Variants in TMEM150B observed in about 807,000 individuals in gnomAD.
TMEM150B encodes transmembrane protein 150B.
In TMEM150B, 33 loss-of-function variants were observed where a neutral mutation model predicts 25.2. That is an observed-to-expected ratio of 1.31 (90% CI 0.99 to 1.75). TMEM150B has a LOEUF of 1.75. Among genes scored for constraint, TMEM150B ranks in the 40% most tolerant of loss-of-function variants. TMEM150B has a pLI of 0.00. For synonymous variants in TMEM150B, 133 were observed against 134.8 expected (o/e 0.99, Z 0.09); for missense variants, 322 against 306.1 (o/e 1.05, Z -0.39).
At chr19:55,325,102 C>G (rs562585519) in intron 1 of TMEM150B, among the ~76,000 whole-genome samples, 170 bp downstream of exon 1, 1 of 152,322 alleles carries the variant, frequency 6.6e-6, no homozygotes, top group African/African-American at 2.4e-5. Flanking sequence ...GAAGACTTGT[C>G]CCCGCTCTGA....
chr19:55,318,133 G>A (rs1309907750), intron 6 of TMEM150B, among the ~76,000 whole-genome samples: 1 of 152,144 alleles, frequency 6.6e-6, no homozygotes, highest in Non-Finnish European at 1.5e-5. Flanking sequence ...GGCCAAGGTA[G>A]GCAGATCACT....
At chr19:55,313,392 G>T (rs1568995715) in intron 7 of TMEM150B, among the ~76,000 whole-genome samples, 1 of 152,036 alleles carries the variant, frequency 6.6e-6, no homozygotes, top group Non-Finnish European at 1.5e-5. Context: ...CATTGCTCCT[G>T]CCTGTAAACA....
chr19:55,320,719 G>A (rs1177932788), intron 3 of TMEM150B, 102 bp from the exon 4 acceptor site: 17 of 1,434,602 alleles, frequency 1.2e-5, no homozygotes, highest in Non-Finnish European at 1.6e-5. Flanking sequence ...CTCAGACCAG[G>A]AGTCCAGGCC....
chr19:55,309,607 CCT>C (rs1198714915), downstream of TMEM150B, among the ~76,000 whole-genome samples: 1 of 152,134 alleles, frequency 6.6e-6, no homozygotes, highest in African/African-American at 2.4e-5. Context: ...CTCTCTGGGG[CCT>C]CTTTCCTAAG....
intron 1 of TMEM150B, chr19:55,324,786 C>T (rs945211401): frequency 7.3e-5 from 72 of 985,368 alleles, no homozygotes; most frequent in Non-Finnish European, 8.2e-5. Flanking sequence ...TCGTCTTCCT[C>T]CTTTCGCTTC....
chr19:55,313,123 C>T, intron 7 of TMEM150B, 68 bp from the exon 8 acceptor site: 1 of 1,491,760 alleles, frequency 6.7e-7, no homozygotes, highest in Non-Finnish European at 9.0e-7. Flanking sequence ...CTCTGTGCCG[C>T]CTCGCGCTGG....
intron 2 of TMEM150B, among the ~76,000 whole-genome samples, chr19:55,321,337 C>G (rs2089203286): frequency 6.6e-6 from 1 of 151,998 alleles, no homozygotes; most frequent in East Asian, 2.0e-4. Context: ...CTCCTTGCAC[C>G]TCCCAGCCTC....
chr19:55,312,165 G>C (rs1301394769), downstream of TMEM150B: 2 of 585,524 alleles, frequency 3.4e-6, no homozygotes, highest in Non-Finnish European at 5.8e-6. Context: ...CATGTCGGGA[G>C]GGGGGTGGAC....
rs902035269 is a variant in TMEM150B at position 55,325,327 on chromosome 19, C to T, written c.-209G>A. The stretch of plus-strand genomic sequence containing the variant: ...TGAAGGATCCTTCCAGAAGCTAGGG[C>T]TGCTGGCCTGGCTCAGCCGAGGGGA... On this transcript the variant is annotated 5_prime_UTR_variant, in exon 1 of 8. Coordinates refer to ENST00000326652, the MANE Select transcript of TMEM150B (RefSeq NM_001282011.2). The T allele has an allele frequency of 5.1e-6, 5 of 985,320 alleles. No individual in the cohort carries two copies. The highest frequency in any genetic ancestry group is 6.0e-6 in the Non-Finnish European group (5 of 829,954). 61.0% of individuals were successfully genotyped at this position (985,320 alleles called of 1,614,324 possible).
chr19:55,314,541 T>A (rs1490132151), intron 7 of TMEM150B, among the ~76,000 whole-genome samples: 1 of 152,122 alleles, frequency 6.6e-6, no homozygotes, highest in Non-Finnish European at 1.5e-5. Flanking sequence ...CTCAGGCCCG[T>A]CTTTACAGAC....
In TMEM150B at chr19:55,312,898, G is replaced by C. The variant is rs1311774446; in HGVS notation, c.663C>G (p.Pro221=). 1 of 1,604,316 alleles carries C rather than the reference G, an allele frequency of 6.2e-7. No homozygotes were observed. The highest frequency in any genetic ancestry group is 1.1e-5 in the South Asian group (1 of 89,964). The part of the protein sequence containing the change: ...LCVQPWPSLS[P]PPASPISLPV... Reference sequence around the variant, plus strand: ...GCAGGGAGATGGGGGAGGCCGGCGGGGGGCTGAGGCTGGGCCACGGCTGAA... The same window carrying C: ...GCAGGGAGATGGGGGAGGCCGGCGGCGGGCTGAGGCTGGGCCACGGCTGAA... The change falls in exon 8 of 8, where the codon CCC becomes CCG. Residue 221 remains proline (P), a synonymous_variant. Coordinates refer to ENST00000326652, the MANE Select transcript of TMEM150B (RefSeq NM_001282011.2).
At chr19:55,320,351 G>A in intron 5 of TMEM150B, 40 bp downstream of exon 5, 1 of 1,511,686 alleles carries the variant, frequency 6.6e-7, no homozygotes, top group Non-Finnish European at 8.9e-7. Flanking sequence ...CGCTTGGCTG[G>A]GCTTGGGAGC....
downstream of TMEM150B, chr19:55,312,533 C>CACAA (rs2088830709): frequency 7.8e-5 from 2 of 25,726 alleles, no homozygotes; most frequent in African/African-American, 3.5e-4. Flanking sequence ...CCGCCGGCGG[C>CACAA]AAAAAAAAAA....
In TMEM150B at chr19:55,320,358, G is replaced by C. The variant is rs757320006; in HGVS notation, c.196+33C>G. ...TCGGAACTCGCTTGGCTGGGCTTGG[G>C]AGCACTGAACCAAAGGGCTGGGCAA... On this transcript the variant is annotated intron_variant, in intron 5 of 7. Transcript: ENST00000326652. 3.3e-6 allele frequency: 5 copies of C among 1,515,244 alleles called. No homozygotes were observed. The South Asian group carries it at 4.0e-5, about 12-fold the overall frequency. The allele number at this position is 1,515,244 out of a possible 1,614,324, so 93.9% of individuals were successfully genotyped here. A position where few individuals can be genotyped will look rare whatever the true frequency, so the allele number is the denominator to read the frequency against.
intron 7 of TMEM150B, 78 bp downstream of exon 7, chr19:55,316,708 G>A: frequency 7.6e-7 from 1 of 1,324,352 alleles, no homozygotes; most frequent in South Asian, 1.8e-5. Context: ...GACATCCCCA[G>A]TGACAGACAG....
intron 6 of TMEM150B, among the ~76,000 whole-genome samples, chr19:55,317,197 A>C (rs572535722): frequency 3.0e-4 from 45 of 152,334 alleles, no homozygotes; most frequent in African/African-American, 1.1e-3. Flanking sequence ...CACATAGTAG[A>C]TGCTCAGTAA....
intron 2 of TMEM150B, among the ~76,000 whole-genome samples, chr19:55,321,861 T>G (rs1481074227): frequency 1.3e-5 from 2 of 152,184 alleles, no homozygotes; most frequent in African/African-American, 4.8e-5. Flanking sequence ...GCTTCTGTTT[T>G]GGGGCTGGGA....
chr19:55,324,955 A>G (rs1285307257), intron 1 of TMEM150B: 1 of 860,396 alleles, frequency 1.2e-6, no homozygotes, highest in Non-Finnish European at 1.4e-6. Context: ...GGAGGGGTCC[A>G]TGCTACCTGC....
intron 6 of TMEM150B, chr19:55,319,783 G>A: frequency 7.6e-7 from 1 of 1,312,794 alleles, no homozygotes; most frequent in Non-Finnish European, 9.7e-7. Context: ...CTGGGGAGAG[G>A]GGCTGGCAGA....
Sources: allele counts gnomAD v4.1 joint callset (sites outside exome capture counted in the v4.1 genomes callset), GRCh38; gene constraint gnomAD v4.1.1; transcripts MANE v1.5; gene names NCBI Gene and HGNC (gene_info 2026-07-23, HGNC 2026-07-21).